Variants in ASRGL1 observed in about 807,000 individuals in gnomAD.
ASRGL1 encodes the protein asparaginase and isoaspartyl peptidase 1.
In ASRGL1, 16 loss-of-function variants were observed where a neutral mutation model predicts 22.4. The ratio of observed to expected loss-of-function variants is 0.71; its 90% CI spans 0.48 to 1.08. The LOEUF (loss-of-function observed/expected upper bound fraction) is 1.08. Among genes scored for constraint, ASRGL1 ranks in the 50% least tolerant of loss-of-function variants. The pLI, the probability that ASRGL1 is intolerant of heterozygous loss-of-function variation, is 0.00. For missense variants in ASRGL1, 412 were observed against 410.1 expected (o/e 1.00, Z -0.04); for synonymous variants, 165 against 159.3 (o/e 1.04, Z -0.27).
intron 2 of ASRGL1, among the ~76,000 whole-genome samples, chr11:62,350,723 G>C (rs1297425690): frequency 6.6e-6 from 1 of 152,172 alleles, no homozygotes; most frequent in African/African-American, 2.4e-5. Flanking sequence ...TTGAACCCAT[G>C]AGACGTAGGT....
chr11:62,363,448 A>G (rs1946533768), intron 4 of ASRGL1, among the ~76,000 whole-genome samples: 1 of 152,176 alleles, frequency 6.6e-6, no homozygotes, highest in Non-Finnish European at 1.5e-5. Flanking sequence ...TATCATCTGA[A>G]GAGAGATTTG....
downstream of ASRGL1, among the ~76,000 whole-genome samples, chr11:62,397,603 G>A (rs552637014): frequency 2.3e-3 from 349 of 150,642 alleles, 1 homozygote; most frequent in African/African-American, 8.2e-3. Flanking sequence ...GGTGGAGACT[G>A]TGGTGAGCCA....
chr11:62,371,613 T>C (rs1479131176), intron 4 of ASRGL1: 8 of 663,176 alleles, frequency 1.2e-5, no homozygotes, highest in Non-Finnish European at 2.0e-5. Flanking sequence ...AAGGGGAGCT[T>C]TTGATTTTGG....
chr11:62,371,585 A>T (rs1030739970), intron 4 of ASRGL1: 9 of 683,422 alleles, frequency 1.3e-5, no homozygotes, highest in Non-Finnish European at 2.2e-5. Context: ...GGCCACAGGG[A>T]CTTCCTCACA....
chr11:62,341,495 G>A (rs537909957), intron 2 of ASRGL1, among the ~76,000 whole-genome samples: 13 of 152,152 alleles, frequency 8.5e-5, no homozygotes, highest in East Asian at 1.9e-4. Flanking sequence ...CACCACGCCC[G>A]GCTGAAAACA....
At chr11:62,387,284 A>G (rs952030963) in intron 4 of ASRGL1, among the ~76,000 whole-genome samples, 1 of 152,180 alleles carries the variant, frequency 6.6e-6, no homozygotes, top group African/African-American at 2.4e-5. Flanking sequence ...TTTAACTCAG[A>G]ATAAAAGCCT....
At chr11:62,397,906 G>T (rs1046517541), downstream of ASRGL1, among the ~76,000 whole-genome samples, 7 of 152,098 alleles carry the variant, frequency 4.6e-5, no homozygotes, top group Non-Finnish European at 7.3e-5. Context: ...CTCAAAAATT[G>T]TCTTTTTAGC....
At chr11:62,375,240 G>T (rs951710726) in intron 4 of ASRGL1, among the ~76,000 whole-genome samples, 3 of 151,738 alleles carry the variant, frequency 2.0e-5, no homozygotes, top group African/African-American at 7.3e-5. Flanking sequence ...GGGGAAGGGT[G>T]CCGTGCACTC....
rs767186850 is a variant in ASRGL1, at chr11:62,392,230, C to A, written c.873C>A (p.Gly291=). The A allele has an allele frequency of 6.2e-7, 1 of 1,614,194 alleles. No homozygotes were observed. Among genetic ancestry groups the A allele is most frequent in the Non-Finnish European group, 8.5e-7 (1 of 1,180,032 alleles). ...TSMPWAAAKD[G]KLHFGIDPDD... is the part of the protein sequence containing the mutation. ...TGCCCTGGGCAGCCGCCAAGGACGG[C>A]AAGCTGCACTTCGGAATTGATCCTG... Residue 291 remains glycine (G), a synonymous_variant, in exon 7 of 7, where the codon GGC becomes GGA. Transcript: ENST00000415229.
At chr11:62,383,137 T>A (rs1452185639) in intron 4 of ASRGL1, 1 of 152,206 alleles carries the variant, frequency 6.6e-6, no homozygotes, top group Non-Finnish European at 1.5e-5. Context: ...TCAGTATTCA[T>A]TTCTAAATCT....
In ASRGL1 at chr11:62,371,162, C is replaced by T. The variant is rs1008359061; in HGVS notation, c.491+14018C>T. On this transcript the variant is annotated intron_variant, in intron 4 of 6. Coordinates refer to ENST00000415229, the MANE Select transcript of ASRGL1 (RefSeq NM_001083926.2). The stretch of plus-strand genomic sequence containing the variant: ...CCCAGGAAGAAGGCGGCGGTGGCGG[C>T]CTGGGAGGAGCTGAGCTCGGGCAAC... The T allele has an allele frequency of 2.8e-5, 33 of 1,177,712 alleles. 1 individual carries two copies. The African/African-American group carries it at 5.2e-4, about 19-fold the overall frequency. The allele number at this position is 1,177,712 out of a possible 1,614,324, so 73.0% of individuals were successfully genotyped here.
chr11:62,337,990 G>C lies in ASRGL1; in HGVS notation c.13G>C (p.Val5Leu). The C allele has an allele frequency of 6.2e-7, 1 of 1,600,266 alleles. No homozygotes were observed. The highest frequency in any genetic ancestry group is 8.5e-7 in the Non-Finnish European group (1 of 1,173,806). ...AGGATCCGCCGACATGAATCCCATC[G>C]TAGTGGTCCACGGCGGCGGAGCCGG... is the stretch of plus-strand genomic sequence containing the variant. MNPIVVVHGGGAGPI... is the reference protein window; with the variant it reads MNPILVVHGGGAGPI... Residue 5 changes from valine (V) to leucine (L), a missense_variant, in exon 2 of 7, where the codon GTA becomes CTA. Transcript: ENST00000415229.
intron 4 of ASRGL1, among the ~76,000 whole-genome samples, chr11:62,358,336 C>T (rs1353025511): frequency 7.0e-6 from 1 of 142,136 alleles, no homozygotes; most frequent in African/African-American, 2.6e-5. Flanking sequence ...CACCATTGCA[C>T]TCTAGCCTGG....
At chr11:62,343,478 C>G (rs1340575323) in intron 2 of ASRGL1, among the ~76,000 whole-genome samples, 2 of 151,510 alleles carry the variant, frequency 1.3e-5, no homozygotes, top group African/African-American at 4.9e-5. Flanking sequence ...GCCTGTAATC[C>G]CAGCACTTTG....
At chr11:62,365,704 G>A (rs1234278923) in intron 4 of ASRGL1, among the ~76,000 whole-genome samples, 2 of 152,096 alleles carry the variant, frequency 1.3e-5, no homozygotes, top group African/African-American at 4.8e-5. Flanking sequence ...AGAAAAATTA[G>A]CTGGGTGTGG....
At chr11:62,348,277 C>G (rs536853129) in intron 2 of ASRGL1, among the ~76,000 whole-genome samples, 23 of 152,290 alleles carry the variant, frequency 1.5e-4, no homozygotes, top group African/African-American at 4.3e-4. Context: ...CATGGCCAGC[C>G]ACACCATGTG....
chr11:62,361,632 C>T (rs550882495), intron 4 of ASRGL1, among the ~76,000 whole-genome samples: 2 of 151,546 alleles, frequency 1.3e-5, no homozygotes, highest in African/African-American at 2.4e-5. Context: ...GGACTACAGG[C>T]GCATGCCACC....
chr11:62,371,651 GA>G, intron 4 of ASRGL1: 3 of 634,628 alleles, frequency 4.7e-6, no homozygotes, highest in Middle Eastern at 2.8e-4. Flanking sequence ...TTGATTGGTC[GA>G]AAATAAGTGC....
chr11:62,343,846 A>G (rs1408484953), intron 2 of ASRGL1, among the ~76,000 whole-genome samples: 1 of 149,548 alleles, frequency 6.7e-6, no homozygotes, highest in Non-Finnish European at 1.5e-5. Context: ...GAATCTTACG[A>G]TGTTGATTTG....
Sources: allele counts gnomAD v4.1 joint callset (sites outside exome capture counted in the v4.1 genomes callset), GRCh38; gene constraint gnomAD v4.1.1; transcripts MANE v1.5; gene names NCBI Gene and HGNC (gene_info 2026-07-23, HGNC 2026-07-21).